The following MAST1 variants were observed in gnomAD, a reference collection of about 807,000 sequenced individuals.
MAST1 encodes microtubule associated serine/threonine kinase 1.
Under a neutral mutation model 124.6 loss-of-function variants are expected in MAST1, and 40 were observed. The observed-to-expected ratio is 0.32, with a 90% CI of 0.25 to 0.42. The LOEUF is 0.42. Among genes scored for constraint, MAST1 ranks in the 10% least tolerant of loss-of-function variants. MAST1 has a pLI of 1.00. For synonymous variants in MAST1, 938 were observed against 939.4 expected (o/e 1.00, Z 0.03); for missense variants, 1,558 against 2,181.9 (o/e 0.71, Z 5.70).
Position 12,868,732 on chromosome 19 carries a change from C to G in MAST1, c.2656C>G (p.Arg886Gly). Residue 886 changes from arginine to glycine, a missense_variant, in exon 21 of 26, where the codon CGG (arginine) becomes GGG (glycine). Physicochemically the swap from Arg to Gly is moderately radical, Grantham distance 125. This residue lies in a region of MAST1 where 287 missense variants were observed against 308.0 expected (regional missense o/e 0.93). Transcript: ENST00000251472. ...PRATNDLVLRRARHQQMSGDV... is the reference protein window; with the variant it reads ...PRATNDLVLRGARHQQMSGDV... ...GGCTACCAATGACTTGGTTCTGCGC[C>G]GGGCGCGGCACCAGCAGATGTCAGG... 6.2e-7 allele frequency: 1 copy of G among 1,613,154 alleles called. No individual in the cohort carries two copies. The highest frequency in any genetic ancestry group is 1.7e-5 in the Admixed American group (1 of 59,890).
Position 12,874,590 on chromosome 19 carries a change from A to G in MAST1, c.4433A>G (p.Glu1478Gly). The change falls in exon 26 of 26, where the codon GAG becomes GGG. Residue 1478 changes from glutamate (E) to glycine (G), a missense_variant. Physicochemically the swap from Glu to Gly is moderately conservative, Grantham distance 98 (BLOSUM62 -2). This residue lies in a region of MAST1 where 168 missense variants were observed against 154.3 expected (regional missense o/e 1.09). Transcript: ENST00000251472. This position sits in a 1 kb window ranked among gnomAD's most constrained non-coding sequence, Gnocchi z 6.6. ...GTGCCCGAGGCCCCCCGGGGCCGGG[A>G]GCGCTGGGTGTTGGAGGTGGTGGAG... ...PSVPEAPRGR[E>G]RWVLEVVEER... 2 of 1,508,352 alleles carry G rather than the reference A, an allele frequency of 1.3e-6. No individual in the cohort carries two copies. The highest frequency in any genetic ancestry group is 1.8e-6 in the Non-Finnish European group (2 of 1,130,006). The allele number at this position is 1,508,352 out of a possible 1,614,324, so 93.4% of individuals were successfully genotyped here. A position where few individuals can be genotyped will look rare whatever the true frequency, so the allele number is the denominator to read the frequency against.
chr19:12,852,502 A>C lies in MAST1; in HGVS notation c.1077+107A>C, dbSNP rs574956369. The C allele has an allele frequency of 2.2e-5, 23 of 1,037,518 alleles. No homozygotes were observed. In the South Asian group the frequency reaches 2.7e-4, roughly 12 times the overall value. The allele number at this position is 1,037,518 out of a possible 1,614,324, so 64.3% of individuals were successfully genotyped here. A position where few individuals can be genotyped will look rare whatever the true frequency, so the allele number is the denominator to read the frequency against. ...GGCTTTGTGGATCTCTTGGTCCTAC[A>C]CTCTGAGCCTCAGTTTTCCCATCCA... On this transcript the variant is annotated intron_variant, in intron 10 of 25. Coordinates refer to ENST00000251472, the MANE Select transcript of MAST1 (RefSeq NM_014975.3).
At chr19:12,872,901 G>A (rs1970254228) in intron 24 of MAST1, among the ~76,000 whole-genome samples, 1 of 145,862 alleles carries the variant, frequency 6.9e-6, no homozygotes, top group African/African-American at 2.5e-5. Context: ...GCGAAACTTC[G>A]TCTCAAAAAA....
intron 12 of MAST1, among the ~76,000 whole-genome samples, chr19:12,863,741 C>G (rs78933895): frequency 8.3e-4 from 127 of 152,206 alleles, no homozygotes; most frequent in African/African-American, 2.9e-3. Context: ...GGAAATCTAG[C>G]CTTTGTAGGA....
At chr19:12,864,669 G>A in intron 12 of MAST1, 140 bp from the exon 13 acceptor site, 2 of 1,087,190 alleles carry the variant, frequency 1.8e-6, no homozygotes, top group Non-Finnish European at 2.6e-6. Context: ...AGGACCTGGA[G>A]GGAGGGAGGC....
chr19:12,858,253 G>A (rs1037410754), intron 10 of MAST1, 109 bp from the exon 11 acceptor site: 2 of 941,698 alleles, frequency 2.1e-6, no homozygotes, highest in Non-Finnish European at 3.3e-6. Context: ...GCACTTGGAT[G>A]AAGGACTCTT....
chr19:12,859,906 T>G (rs1970059746), intron 12 of MAST1, among the ~76,000 whole-genome samples: 1 of 151,778 alleles, frequency 6.6e-6, no homozygotes, highest in South Asian at 2.1e-4. Flanking sequence ...CTCCCTGTAT[T>G]GCCCAAGTTA....
At position 12,874,336 on chromosome 19, in the gene MAST1, C is replaced by G; in HGVS notation, c.4179C>G (p.Ser1393Arg). The change falls in exon 26 of 26, where the codon AGC (serine) becomes AGG (arginine). Residue 1393 changes from serine to arginine, a missense_variant. Ser to Arg is a moderately radical substitution (Grantham distance 110). Coordinates refer to ENST00000251472, the MANE Select transcript of MAST1 (RefSeq NM_014975.3). The surrounding 1 kb of genome is among the most constrained non-coding windows in gnomAD (Gnocchi z 6.6). ...ERDVGCTRHQ[S>R]VQTEDGTGGM... ...ACGTCGGCTGCACGCGGCATCAGAG[C>G]GTGCAGACGGAGGATGGCACTGGCG... 6.3e-7 allele frequency: 1 copy of G among 1,597,032 alleles called. No individual in the cohort carries two copies. Among genetic ancestry groups the G allele is most frequent in the South Asian group, 1.1e-5 (1 of 90,880 alleles).
intron 18 of MAST1, 74 bp from the exon 19 acceptor site, chr19:12,867,400 A>C: frequency 1.3e-6 from 2 of 1,561,476 alleles, no homozygotes; most frequent in Non-Finnish European, 1.8e-6. Context: ...CGGGGGATCC[A>C]CTGCCAGGAA....
chr19:12,867,424 G>T, intron 18 of MAST1, 50 bp from the exon 19 acceptor site: 1 of 1,605,046 alleles, frequency 6.2e-7, no homozygotes, highest in South Asian at 1.1e-5. Context: ...GATTAGCTCC[G>T]GAGTGAAAGT....
At position 12,838,820 on chromosome 19, in the gene MAST1, T is replaced by C. The variant is rs1599573894; in HGVS notation, c.83+165T>C. Among the ~76,000 whole-genome samples the C allele has an allele frequency of 8.2e-6, 1 of 121,410 alleles. No individual in the cohort carries two copies. Among genetic ancestry groups the C allele is most frequent in the African/African-American group, 3.1e-5 (1 of 32,442 alleles). The allele number at this position is 121,410 out of a possible 152,430, so 79.6% of individuals were successfully genotyped here. A position where few individuals can be genotyped will look rare whatever the true frequency, so the allele number is the denominator to read the frequency against. Reference sequence around the variant, plus strand: ...GGTTGGGGTTGAATGGGGGGTGGTGTGGGCCGAGTCTGGGGGGCTTGCACG... The same window carrying C: ...GGTTGGGGTTGAATGGGGGGTGGTGCGGGCCGAGTCTGGGGGGCTTGCACG... On this transcript the variant is annotated intron_variant, in intron 1 of 25. Transcript: ENST00000251472. This position sits in a 1 kb window ranked among gnomAD's most constrained non-coding sequence, Gnocchi z 4.3.
At position 12,871,100 on chromosome 19, in the gene MAST1, C is replaced by T; in HGVS notation, c.3191C>T (p.Ala1064Val). 2 of 1,614,200 alleles carry T rather than the reference C, an allele frequency of 1.2e-6. No homozygotes were observed. Among genetic ancestry groups the T allele is most frequent in the Non-Finnish European group, 1.7e-6 (2 of 1,180,038 alleles). Residue 1064 changes from alanine (A) to valine (V), a missense_variant, in exon 24 of 26, where the codon GCA becomes GTA. Ala to Val is a moderately conservative substitution (Grantham distance 64). This residue lies in a region of MAST1 where 291 missense variants were observed against 475.8 expected (regional missense o/e 0.61). Coordinates refer to ENST00000251472, the MANE Select transcript of MAST1 (RefSeq NM_014975.3). ...AATACCTCTATCCGCATTGGTCCCGCAAGGCGCAGCAGCTACAAGGCTAAA... is the reference window on the plus strand; with the variant it reads ...AATACCTCTATCCGCATTGGTCCCGTAAGGCGCAGCAGCTACAAGGCTAAA... Reference protein sequence around the residue: ...FENTSIRIGPARRSSYKAKMA... With the variant: ...FENTSIRIGPVRRSSYKAKMA...
In MAST1 at chr19:12,838,727, G is replaced by T. The variant is rs1362975066; in HGVS notation, c.83+72G>T. 5.0e-5 allele frequency: 69 copies of T among 1,384,302 alleles called. No individual in the cohort carries two copies. The highest frequency in any genetic ancestry group is 6.5e-5 in the Non-Finnish European group (66 of 1,011,102). The allele number at this position is 1,384,302 out of a possible 1,614,324, so 85.8% of individuals were successfully genotyped here. A position where few individuals can be genotyped will look rare whatever the true frequency, so the allele number is the denominator to read the frequency against. ...GCCGCCGCTCCGGGTACTGCTGCAG[G>T]GCGGGGCCCGGGATGCTGCGCCCGG... On this transcript the variant is annotated intron_variant, in intron 1 of 25. Transcript: ENST00000251472. This position sits in a 1 kb window ranked among gnomAD's most constrained non-coding sequence, Gnocchi z 4.3.
rs1970294205 is a variant in MAST1, at chr19:12,874,711, T to G, written c.4554T>G (p.Ser1518Arg). Residue 1518 changes from serine to arginine, a missense_variant, in exon 26 of 26, where the codon AGT becomes AGG. Physicochemically the swap from Ser to Arg is moderately radical, Grantham distance 110. Around this residue, in one of 10 missense-constraint regions of MAST1, gnomAD observed 168 missense variants for 154.3 expected, o/e 1.09. Transcript: ENST00000251472. The surrounding 1 kb of genome is among the most constrained non-coding windows in gnomAD (Gnocchi z 6.6). ...CCTCCCTAGCCCCAGCGAAGTGCAGTGCACCCAGCAGTGCAGTGACCCCAG... is the reference window on the plus strand; with the variant it reads ...CCTCCCTAGCCCCAGCGAAGTGCAGGGCACCCAGCAGTGCAGTGACCCCAG... Reference protein sequence around the residue: ...QTPSLAPAKCSAPSSAVTPVP... With the variant: ...QTPSLAPAKCRAPSSAVTPVP... 6.3e-7 allele frequency: 1 copy of G among 1,587,130 alleles called. No homozygotes were observed. Among genetic ancestry groups the G allele is most frequent in the Non-Finnish European group, 8.6e-7 (1 of 1,161,626 alleles).
chr19:12,861,584 A>G (rs1391024478), intron 12 of MAST1, among the ~76,000 whole-genome samples: 1 of 152,226 alleles, frequency 6.6e-6, no homozygotes, highest in Non-Finnish European at 1.5e-5. Flanking sequence ...GGCGCTGATG[A>G]GGAGGGTATT....
chr19:12,860,229 C>A (rs1404250359), intron 12 of MAST1, among the ~76,000 whole-genome samples: 4 of 152,010 alleles, frequency 2.6e-5, no homozygotes, highest in Non-Finnish European at 5.9e-5. Flanking sequence ...ATTCTCCTGC[C>A]TCAGCCTCCT....
In MAST1 at chr19:12,868,742, A is replaced by G; in HGVS notation, c.2666A>G (p.His889Arg). 1.2e-6 allele frequency: 2 copies of G among 1,613,186 alleles called. No individual in the cohort carries two copies. The highest frequency in any genetic ancestry group is 1.7e-6 in the Non-Finnish European group (2 of 1,179,474). Residue 889 changes from histidine to arginine, a missense_variant, in exon 21 of 26, where the codon CAC (histidine) becomes CGC (arginine). Around this residue, in one of 10 missense-constraint regions of MAST1, gnomAD observed 287 missense variants for 308.0 expected, o/e 0.93. Coordinates refer to ENST00000251472, the MANE Select transcript of MAST1 (RefSeq NM_014975.3). ...TNDLVLRRAR[H>R]QQMSGDVAVE... ...GACTTGGTTCTGCGCCGGGCGCGGC[A>G]CCAGCAGATGTCAGGGGATGTGGCA...
Position 12,867,919 on chromosome 19 carries a change from G to A in MAST1, c.2508G>A (p.Arg836=). Residue 836 remains arginine (R), a synonymous_variant, in exon 20 of 26, where the codon CGG becomes CGA. Transcript: ENST00000251472. ...ACCCCGCGGGATCCCTGGATGCACG[G>A]GCCCCCAAAGAGGAGACTCAAGGGG... The part of the protein sequence containing the change: ...SSDPAGSLDA[R]APKEETQGEG... 6.3e-7 allele frequency: 1 copy of A among 1,598,670 alleles called. No homozygotes were observed. The highest frequency in any genetic ancestry group is 8.5e-7 in the Non-Finnish European group (1 of 1,174,046).
Position 12,838,623 on chromosome 19 carries a change from C to T in MAST1, c.51C>T (p.Phe17=), listed in dbSNP as rs1374120400. 6.2e-7 allele frequency: 1 copy of T among 1,610,392 alleles called. No homozygotes were observed. The highest frequency in any genetic ancestry group is 8.5e-7 in the Non-Finnish European group (1 of 1,178,670). ...TALSNFSMPS[F]PGGSMFRRTK... ...TTTCTAATTTCTCGATGCCCTCCTT[C>T]CCCGGCGGCAGTATGTTCCGCCGCA... is the stretch of plus-strand genomic sequence containing the variant. Residue 17 remains phenylalanine, a synonymous_variant, in exon 1 of 26, where the codon TTC becomes TTT. Transcript: ENST00000251472. This position sits in a 1 kb window ranked among gnomAD's most constrained non-coding sequence, Gnocchi z 4.3.
Sources: allele counts gnomAD v4.1 joint callset (sites outside exome capture counted in the v4.1 genomes callset), GRCh38; gene constraint gnomAD v4.1.1; regional missense constraint gnomAD v4.1.1; non-coding constraint Gnocchi (gnomAD v3.1); transcripts MANE v1.5; gene names NCBI Gene and HGNC (gene_info 2026-07-23, HGNC 2026-07-21).